SGCZ: variants seen among roughly 807,000 people sequenced by gnomAD.
SGCZ encodes the protein zeta-sarcoglycan.
Under a neutral mutation model 41.3 loss-of-function variants are expected in SGCZ, and 40 were observed. The ratio of observed to expected loss-of-function variants is 0.97; its 90% CI spans 0.75 to 1.26. SGCZ has a LOEUF of 1.26. Among genes scored for constraint, SGCZ ranks in the 50% most tolerant of loss-of-function variants. SGCZ has a pLI of 0.00. For synonymous variants in SGCZ, 206 were observed against 137.5 expected, an observed-to-expected ratio of 1.50 and a Z score of -3.49; for missense variants, 552 against 369.8, an observed-to-expected ratio of 1.49 and a Z score of -4.04.
At chr8:14,739,181 T>A (rs1055735234) in intron 1 of SGCZ, among the ~76,000 whole-genome samples, 1 of 152,074 alleles carries the variant, frequency 6.6e-6, no homozygotes, top group Admixed American at 6.6e-5. Context: ...AATTTTTAAA[T>A]CTAGGTGGAA....
At chr8:15,131,364 G>A (rs547541722) in intron 1 of SGCZ, among the ~76,000 whole-genome samples, 1 of 152,166 alleles carries the variant, frequency 6.6e-6, no homozygotes, top group African/African-American at 2.4e-5. Context: ...CTGCCGCCAT[G>A]TGAGACATGC....
chr8:14,562,885 C>T (rs530435761), intron 1 of SGCZ, among the ~76,000 whole-genome samples: 15 of 152,212 alleles, frequency 9.9e-5, no homozygotes, highest in African/African-American at 3.4e-4. Context: ...AGAGAAGTCA[C>T]GTGATCTTAG....
intron 5 of SGCZ, among the ~76,000 whole-genome samples, chr8:14,118,316 G>A (rs1802587570): frequency 1.3e-5 from 2 of 152,140 alleles, no homozygotes; most frequent in Admixed American, 1.3e-4. Context: ...TTTCTCTAAT[G>A]ACCAGTGATG....
chr8:14,576,719 C>A (rs1265661247), intron 1 of SGCZ, among the ~76,000 whole-genome samples: 2 of 152,120 alleles, frequency 1.3e-5, no homozygotes, highest in East Asian at 3.9e-4. Flanking sequence ...CAAATTAGTG[C>A]AATTTCCTTG....
intron 4 of SGCZ, among the ~76,000 whole-genome samples, chr8:14,166,662 A>G (rs1242438818): frequency 1.3e-5 from 2 of 152,188 alleles, no homozygotes; most frequent in Admixed American, 6.5e-5. Context: ...ATTAGACAAC[A>G]TTAAACACAC....
intron 1 of SGCZ, among the ~76,000 whole-genome samples, chr8:15,205,801 A>T (rs1390663403): frequency 2.0e-5 from 3 of 152,180 alleles, no homozygotes; most frequent in Non-Finnish European, 4.4e-5. Flanking sequence ...TACCATAAAG[A>T]CACATGCACA....
chr8:15,219,681 T>G (rs1801526973), intron 1 of SGCZ, among the ~76,000 whole-genome samples: 4 of 152,134 alleles, frequency 2.6e-5, no homozygotes, highest in Non-Finnish European at 4.4e-5. Flanking sequence ...CTCATCTAAG[T>G]GAATACAGAA....
At chr8:14,966,197 G>A (rs934839423) in intron 1 of SGCZ, among the ~76,000 whole-genome samples, 2 of 151,654 alleles carry the variant, frequency 1.3e-5, no homozygotes, top group Non-Finnish European at 2.9e-5. Flanking sequence ...CAAACCCAAG[G>A]CAAGAATGAC....
chr8:14,220,794 C>CAAACAAAG (rs920474796), intron 4 of SGCZ, among the ~76,000 whole-genome samples: 4 of 151,516 alleles, frequency 2.6e-5, no homozygotes, highest in African/African-American at 7.3e-5. Flanking sequence ...CAAAAACAAA[C>CAAACAAAG]AAACAAACAA....
intron 2 of SGCZ, among the ~76,000 whole-genome samples, chr8:14,365,573 G>T (rs1803673379): frequency 1.3e-5 from 2 of 152,048 alleles, no homozygotes; most frequent in South Asian, 4.1e-4. Flanking sequence ...ACAAATCTGG[G>T]ATTGTTTCAC....
intron 4 of SGCZ, among the ~76,000 whole-genome samples, chr8:14,225,369 C>T (rs1396221372): frequency 6.6e-6 from 1 of 152,034 alleles, no homozygotes; most frequent in Non-Finnish European, 1.5e-5. Context: ...CTTAAAAAAA[C>T]TCTCAGCAAA....
chr8:14,420,086 A>C (rs1303177183), intron 2 of SGCZ, among the ~76,000 whole-genome samples: 1 of 151,926 alleles, frequency 6.6e-6, no homozygotes, highest in East Asian at 1.9e-4. Flanking sequence ...TATTTATTGC[A>C]TTCTATTTTT....
intron 1 of SGCZ, among the ~76,000 whole-genome samples, chr8:15,193,157 T>C (rs1343495725): frequency 1.3e-5 from 2 of 152,118 alleles, no homozygotes; most frequent in Non-Finnish European, 2.9e-5. Flanking sequence ...GCAAGTCTCC[T>C]GATTCTAATA....
intron 1 of SGCZ, among the ~76,000 whole-genome samples, chr8:14,766,236 A>G (rs1169023298): frequency 7.9e-5 from 12 of 152,336 alleles, no homozygotes; most frequent in African/African-American, 2.4e-4. Context: ...CTGTGATTAC[A>G]GGCATGAGGC....
chr8:14,942,452 T>A (rs1045028968), intron 1 of SGCZ, among the ~76,000 whole-genome samples: 1 of 152,066 alleles, frequency 6.6e-6, no homozygotes, highest in African/African-American at 2.4e-5. Context: ...GAAATTGTAA[T>A]CCACAAGTTT....
rs1171669642 is a variant in SGCZ, at chr8:14,175,976, A to T, written c.425-11274T>A. 5.9e-5 allele frequency among the ~76,000 whole-genome samples: 9 copies of T among 152,192 alleles called. No homozygotes were observed. In the East Asian group the frequency reaches 1.5e-3, roughly 26 times the overall value. On this transcript the variant is annotated intron_variant, in intron 4 of 7. Transcript: ENST00000382080. Reference sequence around the variant, plus strand: ...ATCTATTAGGTGTTATTCCATAACGACAAAAACTAGAATCACCGTGAATCT... The same window carrying T: ...ATCTATTAGGTGTTATTCCATAACGTCAAAAACTAGAATCACCGTGAATCT...
intron 2 of SGCZ, among the ~76,000 whole-genome samples, chr8:14,405,800 T>C (rs148510914): frequency 1.3e-5 from 2 of 152,290 alleles, no homozygotes; most frequent in Admixed American, 1.3e-4. Context: ...GTTGGCAAAT[T>C]AGTTGTTTAT....
At chr8:14,716,983 G>A (rs1809710454) in intron 1 of SGCZ, among the ~76,000 whole-genome samples, 1 of 151,962 alleles carries the variant, frequency 6.6e-6, no homozygotes, top group Admixed American at 6.6e-5. Context: ...CTCATGGGAT[G>A]ATAAGGGACA....
intron 1 of SGCZ, among the ~76,000 whole-genome samples, chr8:14,868,409 T>C (rs757216078): frequency 3.9e-5 from 6 of 152,160 alleles, no homozygotes; most frequent in Non-Finnish European, 8.8e-5. Context: ...TGACCAAAAT[T>C]CTGTTAATAT....
Sources: gnomAD v4.1 joint callset for allele counts (sites outside exome capture counted in the v4.1 genomes callset) on GRCh38, gnomAD v4.1.1 for gene constraint, MANE v1.5 for transcripts, NCBI Gene and HGNC (gene_info 2026-07-23, HGNC 2026-07-21) for gene names.